The following MTUS2 variants were observed in gnomAD, a reference collection of about 807,000 sequenced individuals.
The protein encoded by MTUS2 is microtubule-associated tumor suppressor candidate 2.
In MTUS2, 40 loss-of-function variants were observed where a neutral mutation model predicts 114.1. The observed-to-expected ratio is 0.35, with a 90% CI of 0.27 to 0.46. MTUS2 has a LOEUF of 0.46. MTUS2 is among the 20% of genes least tolerant of loss of function. The pLI is 1.00. For missense variants in MTUS2, 1,679 were observed against 1,705.4 expected, an observed-to-expected ratio of 0.98 and a Z score of 0.27; for synonymous variants, 688 against 672.0, an observed-to-expected ratio of 1.02 and a Z score of -0.37.
chr13:28,953,557 A>G (rs1007328192), intron 2 of MTUS2, among the ~76,000 whole-genome samples: 3 of 152,198 alleles, frequency 2.0e-5, no homozygotes, highest in African/African-American at 7.2e-5. Flanking sequence ...TTTATTGCAA[A>G]TATTTTTAGG....
At chr13:29,470,526 T>C (rs997162714) in intron 9 of MTUS2, among the ~76,000 whole-genome samples, 1 of 152,232 alleles carries the variant, frequency 6.6e-6, no homozygotes, top group Non-Finnish European at 1.5e-5. Flanking sequence ...TCTCACCACC[T>C]GGGCTCCAAA....
chr13:28,910,342 A>G (rs1489761181), intron 2 of MTUS2, among the ~76,000 whole-genome samples: 3 of 151,468 alleles, frequency 2.0e-5, no homozygotes, highest in Admixed American at 6.6e-5. Context: ...CCATCCTTCC[A>G]TTCTTTTTTT....
intron 6 of MTUS2, among the ~76,000 whole-genome samples, chr13:29,286,121 TCA>T (rs529196626): frequency 2.2e-4 from 34 of 152,308 alleles, no homozygotes; most frequent in African/African-American, 7.5e-4. Context: ...AGTTGGGGTT[TCA>T]CCATGTTGGC....
In MTUS2 at chr13:29,365,509, T is replaced by TG. The variant is rs1161501842; in HGVS notation, c.3117+6036_3117+6037insG. Among the ~76,000 whole-genome samples the TG allele has an allele frequency of 8.3e-5, 11 of 132,084 alleles. No homozygotes were observed. In the East Asian group the frequency reaches 1.1e-3, roughly 13 times the overall value. 86.7% of individuals were successfully genotyped at this position (132,084 alleles called of 152,430 possible). A position where few individuals can be genotyped will look rare whatever the true frequency, so the allele number is the denominator to read the frequency against. On this transcript the variant is annotated intron_variant, in intron 8 of 15. Coordinates refer to ENST00000612955, the MANE Select transcript of MTUS2 (RefSeq NM_001033602.4). ...TCATCAATACGTTTTTTTGTTTGGG[T>TG]TTGTGTGTGTGTGTGTGTGTAATTA... is the stretch of plus-strand genomic sequence containing the variant.
intron 5 of MTUS2, among the ~76,000 whole-genome samples, chr13:29,233,107 T>G (rs1214712759): frequency 6.6e-6 from 1 of 152,224 alleles, no homozygotes; most frequent in Non-Finnish European, 1.5e-5. Flanking sequence ...TTGGCCTTAC[T>G]GTTGCCTTTT....
At chr13:28,995,735 C>T (rs1885071215) in intron 2 of MTUS2, among the ~76,000 whole-genome samples, 1 of 152,078 alleles carries the variant, frequency 6.6e-6, no homozygotes, top group Admixed American at 6.6e-5. Flanking sequence ...GTAATTTTTG[C>T]ACATCGATTT....
At chr13:28,859,415 T>C (rs1382397123) in intron 2 of MTUS2, among the ~76,000 whole-genome samples, 1 of 152,200 alleles carries the variant, frequency 6.6e-6, no homozygotes, top group Non-Finnish European at 1.5e-5. Flanking sequence ...TCCAGTGACT[T>C]CTGTGGAAAA....
At chr13:29,370,704 TG>T (rs1336381245) in intron 8 of MTUS2, among the ~76,000 whole-genome samples, 1 of 152,226 alleles carries the variant, frequency 6.6e-6, no homozygotes, top group Non-Finnish European at 1.5e-5. Flanking sequence ...CCTTCCTTTA[TG>T]GGTTACCCAG....
chr13:29,217,797 G>C (rs1264328075), intron 5 of MTUS2, among the ~76,000 whole-genome samples: 1 of 152,112 alleles, frequency 6.6e-6, no homozygotes, highest in Admixed American at 6.6e-5. Flanking sequence ...GTTTATCTAA[G>C]ATTTTAAATT....
At chr13:29,402,939 G>A (rs1246478471) in intron 8 of MTUS2, among the ~76,000 whole-genome samples, 1 of 152,082 alleles carries the variant, frequency 6.6e-6, no homozygotes, top group African/African-American at 2.4e-5. Context: ...GTTTCACCAT[G>A]TTGCCCAGGA....
At chr13:29,448,919 A>G (rs1348568271) in intron 9 of MTUS2, among the ~76,000 whole-genome samples, 1 of 151,766 alleles carries the variant, frequency 6.6e-6, no homozygotes, top group African/African-American at 2.4e-5. Flanking sequence ...ACGCCCGGCT[A>G]GTTTTTGTAT....
intron 2 of MTUS2, among the ~76,000 whole-genome samples, chr13:28,924,876 C>A (rs1016617757): frequency 1.3e-5 from 2 of 152,020 alleles, no homozygotes; most frequent in Non-Finnish European, 2.9e-5. Flanking sequence ...CAGATGAGAT[C>A]TCTACTAGAT....
At chr13:28,985,524 AT>A (rs1307884926) in intron 2 of MTUS2, among the ~76,000 whole-genome samples, 1 of 150,944 alleles carries the variant, frequency 6.6e-6, no homozygotes, top group Non-Finnish European at 1.5e-5. Flanking sequence ...TGTTCCTTAT[AT>A]TTTAAAATAT....
Position 29,389,541 on chromosome 13 carries a change from G to GTGTATGTGTA in MTUS2, c.3117+30069_3117+30070insGTATGTGTAT, listed in dbSNP as rs1566173481. ...TATGTGTATATATGTATACACGTGT[G>GTGTATGTGTA]TATATGTATACACGTGTGTATATGT... On this transcript the variant is annotated intron_variant, in intron 8 of 15. Transcript: ENST00000612955. Among the ~76,000 whole-genome samples, 35 of 113,216 alleles carry GTGTATGTGTA rather than the reference G, an allele frequency of 3.1e-4. 5 individuals carry two copies. Among genetic ancestry groups the GTGTATGTGTA allele is most frequent in the African/African-American group, 1.3e-3 (32 of 23,898 alleles). 74.3% of individuals were successfully genotyped at this position (113,216 alleles called of 152,430 possible).
chr13:29,464,265 C>T (rs1386571077), intron 9 of MTUS2, among the ~76,000 whole-genome samples: 1 of 152,228 alleles, frequency 6.6e-6, no homozygotes, highest in Non-Finnish European at 1.5e-5. Flanking sequence ...AAGCTGAAGG[C>T]GGAAGCCTGG....
chr13:29,313,783 A>G (rs138226379), intron 6 of MTUS2, among the ~76,000 whole-genome samples: 1 of 152,312 alleles, frequency 6.6e-6, no homozygotes. Flanking sequence ...AACGCTGGGG[A>G]AAAGGAGAAG....
intron 5 of MTUS2, among the ~76,000 whole-genome samples, chr13:29,262,543 C>G (rs1358299520): frequency 6.6e-6 from 1 of 150,708 alleles, no homozygotes; most frequent in Non-Finnish European, 1.5e-5. Context: ...TTTGTTCCCC[C>G]CTATAATGAT....
At chr13:29,384,443 A>G (rs190205656) in intron 8 of MTUS2, among the ~76,000 whole-genome samples, 162 of 152,340 alleles carry the variant, frequency 1.1e-3, no homozygotes, top group Non-Finnish European at 2.0e-3. Context: ...GCACGCATTC[A>G]TGATCTGGAT....
intron 5 of MTUS2, among the ~76,000 whole-genome samples, chr13:29,158,358 C>CCCCCCCCCCTCCTTTT: frequency 3.1e-5 from 1 of 32,048 alleles, no homozygotes; most frequent in African/African-American, 2.1e-4. Flanking sequence ...GTCCACCCCG[C>CCCCCCCCCCTCCTTTT]TTTTTTTTTT....
Sources: gnomAD v4.1 joint callset for allele counts (sites outside exome capture counted in the v4.1 genomes callset) on GRCh38, gnomAD v4.1.1 for gene constraint, MANE v1.5 for transcripts, NCBI Gene and HGNC (gene_info 2026-07-23, HGNC 2026-07-21) for gene names.